The following CCDC73 variants were observed in gnomAD, a reference collection of about 807,000 sequenced individuals.
CCDC73 encodes the protein coiled-coil domain containing 73.
CCDC73 carries 95 observed loss-of-function variants against 116.5 expected under a neutral mutation model. That is an observed-to-expected ratio of 0.82 (90% CI 0.69 to 0.97). The LOEUF is 0.97. Ranked by LOEUF, CCDC73 falls within the 50% of genes least tolerant of loss-of-function variation. The pLI, the probability that CCDC73 is intolerant of heterozygous loss-of-function variation, is 0.00. For missense variants in CCDC73, 1,066 were observed against 1,206.8 expected, an observed-to-expected ratio of 0.88 and a Z score of 1.73; for synonymous variants, 398 against 401.3, an observed-to-expected ratio of 0.99 and a Z score of 0.10.
At chr11:32,666,508 A>G (rs1855982875) in intron 9 of CCDC73, among the ~76,000 whole-genome samples, 1 of 152,166 alleles carries the variant, frequency 6.6e-6, no homozygotes, top group Non-Finnish European at 1.5e-5. Flanking sequence ...TTTCAGCTCC[A>G]TCAGGTCATT....
At position 32,700,788 on chromosome 11, in the gene CCDC73, T is replaced by A; in HGVS notation, c.315+3A>T. ...CAGAAAATTTTAAAAAAATTATAAA[T>A]ACCTTTTCTTCTTCCAGGGCACACA... On this transcript the variant is annotated splice_donor_region_variant and intron_variant, in intron 5 of 17. Transcript: ENST00000335185. 7.2e-7 allele frequency: 1 copy of A among 1,389,042 alleles called. No homozygotes were observed. Among genetic ancestry groups the A allele is most frequent in the Non-Finnish European group, 9.7e-7 (1 of 1,026,212 alleles). 86.0% of individuals were successfully genotyped at this position (1,389,042 alleles called of 1,614,324 possible).
chr11:32,747,729 G>T (rs551623976), intron 2 of CCDC73, among the ~76,000 whole-genome samples: 1 of 152,340 alleles, frequency 6.6e-6, no homozygotes, highest in East Asian at 1.9e-4. Flanking sequence ...AAGCAAGCAA[G>T]GCTCCATGGG....
chr11:32,772,622 C>T (rs1850500918), intron 1 of CCDC73, among the ~76,000 whole-genome samples: 5 of 152,054 alleles, frequency 3.3e-5, no homozygotes, highest in Admixed American at 1.3e-4. Flanking sequence ...TATCATGATG[C>T]TTACAAGTTA....
chr11:32,686,509 A>T (rs1272554288), intron 6 of CCDC73, among the ~76,000 whole-genome samples: 1 of 151,950 alleles, frequency 6.6e-6, no homozygotes, highest in African/African-American at 2.4e-5. Flanking sequence ...AAGCAAAGGG[A>T]AATGTTTTGA....
chr11:32,716,888 C>T (rs1205155634), intron 3 of CCDC73, among the ~76,000 whole-genome samples: 3 of 152,196 alleles, frequency 2.0e-5, no homozygotes, highest in Non-Finnish European at 4.4e-5. Context: ...TTAAACTTAC[C>T]TTAGGGACTG....
the CCDC73 span, among the ~76,000 whole-genome samples, chr11:32,802,931 T>C: frequency 2.6e-5 from 4 of 151,722 alleles, no homozygotes; most frequent in Non-Finnish European, 4.4e-5. Context: ...TTTTCTTTTT[T>C]TTTTTTTTCT....
In CCDC73 at chr11:32,746,972, C is replaced by T. The variant is rs537953867; in HGVS notation, c.135+13137G>A. Among the ~76,000 whole-genome samples, 12 of 152,184 alleles carry T rather than the reference C, an allele frequency of 7.9e-5. No homozygotes were observed. The South Asian group carries it at 1.2e-3, about 16-fold the overall frequency. Reference sequence around the variant, plus strand: ...CTGTCCAGTTTTTTTCCCTTGCTGGCGAGGAGTTGTGTTCCTTTGGAGGAG... The same window carrying T: ...CTGTCCAGTTTTTTTCCCTTGCTGGTGAGGAGTTGTGTTCCTTTGGAGGAG... On this transcript the variant is annotated intron_variant, in intron 2 of 17. Transcript: ENST00000335185.
intron 3 of CCDC73, among the ~76,000 whole-genome samples, chr11:32,711,292 T>A (rs10767954): frequency 0.59 from 89,662 of 151,952 alleles, 26,758 homozygotes; most frequent in East Asian, 0.84. Context: ...ACTACTAGGT[T>A]TCAACCCAGA....
At chr11:32,800,753 A>C in the CCDC73 span, among the ~76,000 whole-genome samples, 1 of 152,148 alleles carries the variant, frequency 6.6e-6, no homozygotes, top group African/African-American at 2.4e-5. Context: ...ATTTAGGACG[A>C]AGTAGGAGAA....
chr11:32,771,514 G>C (rs1429656467), intron 1 of CCDC73, among the ~76,000 whole-genome samples: 1 of 152,122 alleles, frequency 6.6e-6, no homozygotes, highest in Non-Finnish European at 1.5e-5. Flanking sequence ...AGCATCTACT[G>C]TGATTATCAT....
chr11:32,603,256 C>T (rs1288835875), intron 17 of CCDC73: 1 of 387,512 alleles, frequency 2.6e-6, no homozygotes, highest in Non-Finnish European at 4.6e-6. Context: ...CTGCCTTTTA[C>T]TACTTCATGT....
Position 32,614,741 on chromosome 11 carries a change from T to A in CCDC73, c.1577A>T (p.Asn526Ile). 6.2e-7 allele frequency: 1 copy of A among 1,612,870 alleles called. No individual in the cohort carries two copies. Among genetic ancestry groups the A allele is most frequent in the Non-Finnish European group, 8.5e-7 (1 of 1,179,326 alleles). The change falls in exon 16 of 18, where the codon AAT (asparagine) becomes ATT (isoleucine). Residue 526 changes from asparagine to isoleucine, a missense_variant. Asn to Ile is a moderately radical substitution (Grantham distance 149). Transcript: ENST00000335185. ...IKDKICLEKDNGCTEFKSPNN... is the reference protein window; with the variant it reads ...IKDKICLEKDIGCTEFKSPNN... Reference sequence around the variant, plus strand: ...TGGTGATTTAAATTCTGTACATCCATTGTCTTTTTCCAAGCATATCTTGTC... The same window carrying A: ...TGGTGATTTAAATTCTGTACATCCAATGTCTTTTTCCAAGCATATCTTGTC...
At chr11:32,712,295 G>A (rs1849907296) in intron 3 of CCDC73, among the ~76,000 whole-genome samples, 1 of 152,090 alleles carries the variant, frequency 6.6e-6, no homozygotes, top group African/African-American at 2.4e-5. Flanking sequence ...GAAGGGAGAT[G>A]TTGATCAAGG....
intron 3 of CCDC73, among the ~76,000 whole-genome samples, chr11:32,709,041 G>C (rs1565081628): frequency 1.3e-5 from 2 of 152,128 alleles, no homozygotes; most frequent in Non-Finnish European, 2.9e-5. Flanking sequence ...CTGTGGGTTT[G>C]TCATAGATGG....
At chr11:32,692,719 A>G (rs1206766364) in intron 6 of CCDC73, among the ~76,000 whole-genome samples, 1 of 152,140 alleles carries the variant, frequency 6.6e-6, no homozygotes, top group Non-Finnish European at 1.5e-5. Flanking sequence ...GAATGCAGAC[A>G]CTGTTTTACA....
intron 7 of CCDC73, among the ~76,000 whole-genome samples, chr11:32,677,591 G>A (rs1378273724): frequency 6.6e-6 from 1 of 152,008 alleles, no homozygotes; most frequent in Non-Finnish European, 1.5e-5. Flanking sequence ...TTATTCTCTG[G>A]TTGATTGTGA....
intron 9 of CCDC73, among the ~76,000 whole-genome samples, chr11:32,655,706 T>G (rs555407004): frequency 3.9e-5 from 6 of 152,278 alleles, no homozygotes; most frequent in East Asian, 3.9e-4. Flanking sequence ...TGTTATACTA[T>G]AAAACAAAAT....
chr11:32,678,709 C>G (rs569874536), intron 7 of CCDC73, among the ~76,000 whole-genome samples: 96 of 151,838 alleles, frequency 6.3e-4, no homozygotes, highest in African/African-American at 2.2e-3. Flanking sequence ...CATGGTGAAA[C>G]CTGTCTCTAC....
At chr11:32,721,741 G>A (rs1034113886) in intron 2 of CCDC73, among the ~76,000 whole-genome samples, 12 of 150,634 alleles carry the variant, frequency 8.0e-5, no homozygotes, top group Non-Finnish European at 3.0e-5. Context: ...GGGACTACAG[G>A]CACCCGCCAC....
Sources: allele counts gnomAD v4.1 joint callset (sites outside exome capture counted in the v4.1 genomes callset), GRCh38; gene constraint gnomAD v4.1.1; transcripts MANE v1.5; gene names NCBI Gene and HGNC (gene_info 2026-07-23, HGNC 2026-07-21).